The following CCND3 variants were observed in gnomAD, a reference collection of about 807,000 sequenced individuals.
The protein encoded by CCND3 is cyclin D3, also known as G1/S-specific cyclin-D3.
A neutral mutation model predicts 28.7 loss-of-function variants in CCND3; 9 were observed. The observed-to-expected ratio is 0.31, with a 90% CI of 0.19 to 0.55. The LOEUF (loss-of-function observed/expected upper bound fraction) is 0.55. CCND3 is among the 20% of genes least tolerant of loss of function. CCND3 has a pLI of 0.93. For synonymous variants in CCND3, 164 were observed against 163.9 expected (o/e 1.00, Z 0.00); for missense variants, 315 against 385.8 (o/e 0.82, Z 1.54).
intron 1 of CCND3, among the ~76,000 whole-genome samples, chr6:42,005,109 A>G (rs1763138822): frequency 6.6e-6 from 1 of 152,224 alleles, no homozygotes; most frequent in Non-Finnish European, 1.5e-5. Context: ...AGAAAAATTA[A>G]AGGTTAATGT....
intron 1 of CCND3, among the ~76,000 whole-genome samples, chr6:41,984,215 A>G (rs919364464): frequency 6.6e-6 from 1 of 152,186 alleles, no homozygotes; most frequent in Non-Finnish European, 1.5e-5. Flanking sequence ...GGTTGATTGT[A>G]TATCTTGGCA....
At chr6:42,043,639 A>C (rs1764437907) in intron 1 of CCND3, among the ~76,000 whole-genome samples, 1 of 152,126 alleles carries the variant, frequency 6.6e-6, no homozygotes, top group Non-Finnish European at 1.5e-5. Context: ...TCGAGGCTGC[A>C]GTGAGCCGAG....
intron 1 of CCND3, among the ~76,000 whole-genome samples, chr6:41,977,017 C>T (rs1424980385): frequency 6.6e-6 from 1 of 152,166 alleles, no homozygotes; most frequent in Non-Finnish European, 1.5e-5. Context: ...GCTGATCCGC[C>T]TACATCTTTT....
chr6:41,949,957 G>T (rs921360509), intron 1 of CCND3, among the ~76,000 whole-genome samples: 10 of 148,960 alleles, frequency 6.7e-5, no homozygotes, highest in African/African-American at 2.5e-4. Flanking sequence ...AAAAAAAATA[G>T]CCAGGTGTGG....
At chr6:41,964,344 G>A (rs1761800346) in intron 1 of CCND3, among the ~76,000 whole-genome samples, 1 of 141,220 alleles carries the variant, frequency 7.1e-6, no homozygotes, top group African/African-American at 3.1e-5. Flanking sequence ...GTGTGTGAAT[G>A]TGTGTGAGTC....
chr6:41,970,696 G>A (rs1762011006), intron 1 of CCND3, among the ~76,000 whole-genome samples: 1 of 152,144 alleles, frequency 6.6e-6, no homozygotes. Context: ...TCATAGAGAC[G>A]TCCCCACACA....
intron 1 of CCND3, 56 bp from the exon 2 acceptor site, chr6:41,940,641 G>A (rs376661912): frequency 6.5e-6 from 8 of 1,238,906 alleles, no homozygotes; most frequent in South Asian, 6.0e-5. Context: ...CACAGCAGCG[G>A]GGGGGTGGGA....
chr6:41,952,687 G>A (rs890807274), intron 1 of CCND3, among the ~76,000 whole-genome samples: 1 of 152,178 alleles, frequency 6.6e-6, no homozygotes. Context: ...TGGACACCTG[G>A]GTGGAGACCA....
chr6:41,993,414 T>C (rs935061312), intron 1 of CCND3, among the ~76,000 whole-genome samples: 63 of 146,314 alleles, frequency 4.3e-4, no homozygotes, highest in Middle Eastern at 3.5e-3. Context: ...TGTCTTCTTT[T>C]TTTTTTTTTT....
At chr6:41,945,250 A>G (rs1425529632), upstream of CCND3, among the ~76,000 whole-genome samples, 2 of 152,174 alleles carry the variant, frequency 1.3e-5, no homozygotes, top group Non-Finnish European at 2.9e-5. Flanking sequence ...ACGGTGGCTC[A>G]CGCCTGTAAT....
rs149983496 is a variant in CCND3, at chr6:42,022,521, T to C, written c.-46+25980A>G. On this transcript the variant is annotated intron_variant, in intron 1 of 4. Coordinates refer to the CCND3 transcript ENST00000372988. ...CGGTGTGCAGCGGGCACATCCAGTG[T>C]GGTACAGGCACATCCACAAAGAGAA... 3.3e-3 allele frequency among the ~76,000 whole-genome samples: 501 copies of C among 152,332 alleles called. 3 individuals carry two copies. The highest frequency in any genetic ancestry group is 0.011 in the African/African-American group (466 of 41,576).
At chr6:41,998,711 C>T (rs1376018119) in intron 1 of CCND3, among the ~76,000 whole-genome samples, 3 of 151,350 alleles carry the variant, frequency 2.0e-5, no homozygotes, top group Non-Finnish European at 4.4e-5. Context: ...CAGAGTTTCG[C>T]TCTTGTTGTC....
In CCND3 at chr6:41,941,659, G is replaced by C; in HGVS notation, c.-10C>G. 7.0e-7 allele frequency: 1 copy of C among 1,425,694 alleles called. No homozygotes were observed. The highest frequency in any genetic ancestry group is 9.2e-7 in the Non-Finnish European group (1 of 1,090,254). 88.3% of individuals were successfully genotyped at this position (1,425,694 alleles called of 1,614,324 possible). ...AACACAGCAGCTCCATACTCGGGCA[G>C]CGAACAGGCAGGGCGGGAGTGCGGG... On this transcript the variant is annotated 5_prime_UTR_variant, in exon 1 of 5. Transcript: ENST00000372991. This position sits in a 1 kb window ranked among gnomAD's most constrained non-coding sequence, Gnocchi z 6.1.
In CCND3 at chr6:42,038,604, G is replaced by T. The variant is rs527526419; in HGVS notation, c.-46+9897C>A. On this transcript the variant is annotated intron_variant, in intron 1 of 4. Transcript: ENST00000372988. Reference sequence around the variant, plus strand: ...AATAATCATTGTTCTACAAATAATAGTGATTATAGAAATAACCACTAGTTC... The same window carrying T: ...AATAATCATTGTTCTACAAATAATATTGATTATAGAAATAACCACTAGTTC... Among the ~76,000 whole-genome samples the T allele has an allele frequency of 1.1e-4, 16 of 149,706 alleles. No homozygotes were observed. In the East Asian group the frequency reaches 1.6e-3, roughly 15 times the overall value.
intron 1 of CCND3, among the ~76,000 whole-genome samples, chr6:42,001,975 CGTG>C (rs1386441330): frequency 6.6e-6 from 1 of 150,930 alleles, no homozygotes; most frequent in Non-Finnish European, 1.5e-5. Context: ...ATTAACCAGT[CGTG>C]GTGGTGCATG....
intron 1 of CCND3, among the ~76,000 whole-genome samples, chr6:42,015,911 A>G (rs1194065028): frequency 6.6e-6 from 1 of 151,652 alleles, no homozygotes; most frequent in African/African-American, 2.4e-5. Flanking sequence ...TCACGTATAC[A>G]ATACGTTTTT....
At chr6:41,960,621 G>A (rs1761694605) in intron 1 of CCND3, among the ~76,000 whole-genome samples, 1 of 152,294 alleles carries the variant, frequency 6.6e-6, no homozygotes, top group African/African-American at 2.4e-5. Context: ...CAGAGGGCAT[G>A]AAAAGTGCAA....
At chr6:42,024,699 T>A (rs1470999886) in intron 1 of CCND3, among the ~76,000 whole-genome samples, 2 of 152,142 alleles carry the variant, frequency 1.3e-5, no homozygotes, top group South Asian at 4.1e-4. Context: ...GACAGGTGAA[T>A]CACCTGAGGG....
chr6:42,044,773 C>CA (rs1764479916), intron 1 of CCND3, among the ~76,000 whole-genome samples: 1 of 94,832 alleles, frequency 1.1e-5, no homozygotes, highest in African/African-American at 4.0e-5. Flanking sequence ...TCTTTCTTTT[C>CA]TTTCTTTCCT....
Sources: allele counts gnomAD v4.1 joint callset (sites outside exome capture counted in the v4.1 genomes callset), GRCh38; gene constraint gnomAD v4.1.1; non-coding constraint Gnocchi (gnomAD v3.1); transcripts MANE v1.5; gene names NCBI Gene and HGNC (gene_info 2026-07-23, HGNC 2026-07-21).